The following LINGO2 variants were observed in gnomAD, a reference collection of about 807,000 sequenced individuals.
LINGO2 encodes leucine-rich repeat and immunoglobulin-like domain-containing nogo receptor-interacting protein 2.
LINGO2 carries 14 observed loss-of-function variants against 30.6 expected under a neutral mutation model. That is an observed-to-expected ratio of 0.46 (90% CI 0.30 to 0.72). LINGO2 has a LOEUF of 0.72. Among genes scored for constraint, LINGO2 ranks in the 30% least tolerant of loss-of-function variants. The probability of loss-of-function intolerance (pLI) is 0.07; values close to 1 mark genes in which losing one functional copy is unlikely to be tolerated. For synonymous variants in LINGO2, 317 were observed against 288.5 expected, an observed-to-expected ratio of 1.10 and a Z score of -1.00; for missense variants, 729 against 751.7, an observed-to-expected ratio of 0.97 and a Z score of 0.35.
At chr9:28,061,746 T>C (rs954562537) in intron 4 of LINGO2, among the ~76,000 whole-genome samples, 1 of 151,912 alleles carries the variant, frequency 6.6e-6, no homozygotes, top group African/African-American at 2.4e-5. Flanking sequence ...ATCAAAGAAA[T>C]GACAGTAACG....
At chr9:28,244,951 T>C (rs541949128) in intron 4 of LINGO2, among the ~76,000 whole-genome samples, 1 of 152,298 alleles carries the variant, frequency 6.6e-6, no homozygotes, top group Admixed American at 6.5e-5. Flanking sequence ...CCTAACTTAT[T>C]TTATGAGGCC....
At chr9:27,950,573 C>T (rs748244587) in exon 6 of LINGO2, 1 of 1,537,494 alleles carries the variant, frequency 6.5e-7, no homozygotes, top group Admixed American at 2.0e-5. Context: ...GGGCAGAGCA[C>T]TCACAGCGAG....
chr9:28,288,167 A>G, intron 4 of LINGO2, among the ~76,000 whole-genome samples: 1 of 152,130 alleles, frequency 6.6e-6, no homozygotes, highest in East Asian at 1.9e-4. Flanking sequence ...TTTGAACACC[A>G]CCATAGCTGT....
intron 3 of LINGO2, among the ~76,000 whole-genome samples, chr9:28,348,190 T>A (rs1015509841): frequency 3.3e-5 from 5 of 152,050 alleles, no homozygotes; most frequent in African/African-American, 1.2e-4. Context: ...GCTCCCAGCG[T>A]GAGCGACGCA....
chr9:28,142,693 G>A (rs539806553), intron 4 of LINGO2, among the ~76,000 whole-genome samples: 1 of 152,228 alleles, frequency 6.6e-6, no homozygotes, highest in African/African-American at 2.4e-5. Context: ...TTTATTGTGG[G>A]GATTTTGAGT....
At chr9:28,753,172 C>T in the LINGO2 span, among the ~76,000 whole-genome samples, 1,416 of 151,828 alleles carry the variant, frequency 9.3e-3, 12 homozygotes, top group Non-Finnish European at 0.014. Context: ...CAGGTCTACA[C>T]TTATACTCCA....
At chr9:27,988,360 C>T (rs1052266309) in intron 5 of LINGO2, among the ~76,000 whole-genome samples, 6 of 151,962 alleles carry the variant, frequency 3.9e-5, no homozygotes, top group East Asian at 1.9e-4. Context: ...TTTGGGTATA[C>T]ACCCAGTAAT....
In LINGO2 at chr9:28,229,346, A is replaced by T. The variant is rs541595069; in HGVS notation, c.-87+65862T>A. Among the ~76,000 whole-genome samples, 136 of 151,932 alleles carry T rather than the reference A, an allele frequency of 9.0e-4. 2 individuals are homozygous for T. Among genetic ancestry groups the T allele is most frequent in the African/African-American group, 3.0e-3 (125 of 41,548 alleles). On this transcript the variant is annotated intron_variant, in intron 4 of 5. Coordinates refer to ENST00000379992, the Ensembl canonical transcript of LINGO2. Reference sequence around the variant, plus strand: ...GTGACAATAATATATGTTGATATAGACAATTAATAAAAGTCTATAATAACT... The same window carrying T: ...GTGACAATAATATATGTTGATATAGTCAATTAATAAAAGTCTATAATAACT...
intron 4 of LINGO2, among the ~76,000 whole-genome samples, chr9:28,220,729 C>A (rs889033113): frequency 6.6e-6 from 1 of 152,032 alleles, no homozygotes; most frequent in Admixed American, 6.6e-5. Context: ...TATCAAATCA[C>A]CAGATATATC....
chr9:28,817,630 A>C, the LINGO2 span, among the ~76,000 whole-genome samples: 4 of 152,344 alleles, frequency 2.6e-5, no homozygotes, highest in South Asian at 8.3e-4. Context: ...GGAAGCACTC[A>C]GATTGGTCAG....
intron 4 of LINGO2, among the ~76,000 whole-genome samples, chr9:28,028,984 A>T (rs1823528712): frequency 6.6e-6 from 1 of 152,182 alleles, no homozygotes; most frequent in Admixed American, 6.5e-5. Context: ...ACAACTGCTT[A>T]TTGGGTGCTT....
chr9:28,681,527 AAC>A, the LINGO2 span, among the ~76,000 whole-genome samples: 14 of 152,176 alleles, frequency 9.2e-5, no homozygotes, highest in African/African-American at 2.9e-4. Context: ...GAAACAAACA[AAC>A]ACACAAAAAA....
intron 4 of LINGO2, among the ~76,000 whole-genome samples, chr9:28,179,688 C>G (rs1008046989): frequency 7.2e-6 from 1 of 139,314 alleles, no homozygotes; most frequent in Non-Finnish European, 1.5e-5. Context: ...ACTATATATA[C>G]TATAGTATAT....
chr9:28,642,008 ACT>A (rs1328413635), intron 1 of LINGO2, among the ~76,000 whole-genome samples: 1 of 135,384 alleles, frequency 7.4e-6, no homozygotes, highest in Non-Finnish European at 1.6e-5. Flanking sequence ...TATTTATAAT[ACT>A]CTGTTTTTTT....
At chr9:28,971,212 G>T in the LINGO2 span, among the ~76,000 whole-genome samples, 3 of 152,158 alleles carry the variant, frequency 2.0e-5, no homozygotes, top group African/African-American at 7.2e-5. Flanking sequence ...AGACCCTTGG[G>T]CCTTGAATAA....
At chr9:28,211,719 CTT>C (rs1820599109) in intron 4 of LINGO2, among the ~76,000 whole-genome samples, 2 of 151,478 alleles carry the variant, frequency 1.3e-5, no homozygotes, top group African/African-American at 4.8e-5. Flanking sequence ...CACTCTCTCT[CTT>C]TCTCTTACCC....
chr9:28,927,392 T>G, the LINGO2 span, among the ~76,000 whole-genome samples: 2 of 152,144 alleles, frequency 1.3e-5, no homozygotes, highest in Non-Finnish European at 2.9e-5. Context: ...TGGAACAGAC[T>G]GAGAAAACAG....
intron 1 of LINGO2, among the ~76,000 whole-genome samples, chr9:28,514,083 T>C (rs1211461646): frequency 6.6e-6 from 1 of 152,220 alleles, no homozygotes; most frequent in Non-Finnish European, 1.5e-5. Flanking sequence ...ACTGTTGTAA[T>C]TGTTTTGAAA....
At chr9:28,590,631 T>C (rs1375451558) in intron 1 of LINGO2, among the ~76,000 whole-genome samples, 1 of 151,974 alleles carries the variant, frequency 6.6e-6, no homozygotes, top group Non-Finnish European at 1.5e-5. Context: ...CCAGTCAGAA[T>C]GGCGATCATT....
Sources: allele counts gnomAD v4.1 joint callset (sites outside exome capture counted in the v4.1 genomes callset), GRCh38; gene constraint gnomAD v4.1.1; transcripts MANE v1.5; gene names NCBI Gene and HGNC (gene_info 2026-07-23, HGNC 2026-07-21).